LITAF: variants seen among roughly 807,000 people sequenced by gnomAD.
The protein encoded by LITAF is lipopolysaccharide induced TNF factor.
LITAF carries 9 observed loss-of-function variants against 14.5 expected under a neutral mutation model. The ratio of observed to expected loss-of-function variants is 0.62; its 90% CI spans 0.37 to 1.08. The LOEUF (loss-of-function observed/expected upper bound fraction) is 1.08, where lower values mean the gene tolerates loss of function less well. LITAF is among the 50% of genes least tolerant of loss of function. LITAF has a pLI of 0.01. For synonymous variants in LITAF, 98 were observed against 88.2 expected (o/e 1.11, Z -0.62); for missense variants, 206 against 213.4 (o/e 0.97, Z 0.22).
intron 1 of LITAF, among the ~76,000 whole-genome samples, chr16:11,580,080 G>A (rs1028916671): frequency 2.0e-5 from 3 of 152,168 alleles, no homozygotes; most frequent in Non-Finnish European, 4.4e-5. Context: ...GCTCATTGGA[G>A]CATTCTGGAT....
chr16:11,638,088 C>A (rs1170573707), upstream of LITAF, among the ~76,000 whole-genome samples: 9 of 68,362 alleles, frequency 1.3e-4, no homozygotes, highest in African/African-American at 5.6e-4. Flanking sequence ...CTATATCTAT[C>A]TATCTATCTA....
At chr16:11,576,073 G>T (rs796953996) in intron 1 of LITAF, among the ~76,000 whole-genome samples, 57 of 152,124 alleles carry the variant, frequency 3.7e-4, no homozygotes, top group African/African-American at 1.3e-3. Context: ...ATTTTTTGTA[G>T]AGACGGGGTC....
chr16:11,600,696 G>T (rs1040630000), upstream of LITAF, among the ~76,000 whole-genome samples: 1 of 152,008 alleles, frequency 6.6e-6, no homozygotes, highest in East Asian at 1.9e-4. The surrounding 1 kb of genome is among the most constrained non-coding windows in gnomAD (Gnocchi z 4.1). Flanking sequence ...TCACAAACCA[G>T]TCAGCCCACA....
chr16:11,550,281 G>C (rs773255230), intron 3 of LITAF, among the ~76,000 whole-genome samples: 1 of 152,098 alleles, frequency 6.6e-6, no homozygotes, highest in Non-Finnish European at 1.5e-5. Flanking sequence ...GGAGAGTTGG[G>C]GTTTCACCGT....
intron 1 of LITAF, among the ~76,000 whole-genome samples, chr16:11,596,116 T>C (rs150913859): frequency 8.5e-4 from 129 of 152,250 alleles, no homozygotes; most frequent in South Asian, 1.2e-3. Context: ...TCCCAAGCAC[T>C]GTAATTAATG....
At chr16:11,620,010 A>G (rs1379544808) in intron 3 of LITAF, among the ~76,000 whole-genome samples, 1 of 151,958 alleles carries the variant, frequency 6.6e-6, no homozygotes, top group Non-Finnish European at 1.5e-5. Context: ...TCTACTAAAA[A>G]TACAAAAATT....
At position 11,583,469 on chromosome 16, in the gene LITAF, G is replaced by A. The variant is rs1432102296; in HGVS notation, c.-6+3417C>T. ...CATTAATAAGACTGAGACTGCATTA[G>A]GATACAAAATTGTATGAACGCTGAT... On this transcript the variant is annotated intron_variant, in intron 1 of 3. Transcript: ENST00000622633. Among the ~76,000 whole-genome samples, 3 of 152,220 alleles carry A rather than the reference G, an allele frequency of 2.0e-5. No homozygotes were observed. The East Asian group carries it at 5.8e-4, about 29-fold the overall frequency.
intron 3 of LITAF, among the ~76,000 whole-genome samples, chr16:11,607,793 T>C (rs13333308): frequency 0.033 from 4,949 of 152,238 alleles, 291 homozygotes; most frequent in African/African-American, 0.11. Context: ...AGGTCATTCA[T>C]TGTTATGGGC....
In LITAF at chr16:11,556,092, T is replaced by A. The variant is rs373773820; in HGVS notation, c.220+419A>T. ...AGAGCAACTTGCATTGAGGGTGAGC[T>A]GGTATGAAAACACAATCACACATTG... On this transcript the variant is annotated intron_variant, in intron 2 of 3. Transcript: ENST00000622633. Among the ~76,000 whole-genome samples the A allele has an allele frequency of 7.2e-5, 11 of 152,300 alleles. No homozygotes were observed. The East Asian group carries it at 2.1e-3, about 29-fold the overall frequency.
upstream of LITAF, among the ~76,000 whole-genome samples, chr16:11,590,713 T>C (rs552776888): frequency 1.1e-3 from 124 of 117,978 alleles, 29 homozygotes; most frequent in South Asian, 0.03. Context: ...ACGGGTCCAA[T>C]GTAATCTCTG....
upstream of LITAF, among the ~76,000 whole-genome samples, chr16:11,587,758 A>G (rs963141383): frequency 4.6e-5 from 7 of 152,180 alleles, no homozygotes; most frequent in African/African-American, 1.7e-4. Flanking sequence ...GGCTGCAGTG[A>G]TAACAGCAGC....
Position 11,547,818 on chromosome 16 carries a change from C to T in LITAF, c.*1819G>A, listed in dbSNP as rs750491241. ...AATAGCCTCATGTTCAAATCTGACT[C>T]GTTAGCAAATCCACCCAACTCAACA... On this transcript the variant is annotated 3_prime_UTR_variant, in exon 4 of 4. Coordinates refer to ENST00000622633, the MANE Select transcript of LITAF (RefSeq NM_001136472.2). The T allele has an allele frequency of 1.5e-5, 7 of 454,120 alleles. No individual in the cohort carries two copies. Among genetic ancestry groups the T allele is most frequent in the South Asian group, 4.7e-5 (3 of 64,470 alleles). The allele number at this position is 454,120 out of a possible 1,614,324, so 28.1% of individuals were successfully genotyped here.
upstream of LITAF, among the ~76,000 whole-genome samples, chr16:11,588,336 A>C (rs569198127): frequency 2.6e-5 from 4 of 152,098 alleles, no homozygotes; most frequent in African/African-American, 9.6e-5. Context: ...CTCTATAAAA[A>C]TTTTTTTAAT....
At chr16:11,582,319 G>GAAAA (rs35892278) in intron 1 of LITAF, among the ~76,000 whole-genome samples, 3 of 100,088 alleles carry the variant, frequency 3.0e-5, no homozygotes, top group Admixed American at 1.1e-4. Flanking sequence ...ACTCACAACG[G>GAAAA]AAAAAAAAAA....
chr16:11,566,759 G>T (rs2064457194), intron 1 of LITAF, among the ~76,000 whole-genome samples: 2 of 151,824 alleles, frequency 1.3e-5, no homozygotes, highest in Middle Eastern at 3.4e-3. Context: ...GCAGGGGTAG[G>T]GGGGCGCATG....
intron 3 of LITAF, among the ~76,000 whole-genome samples, chr16:11,624,345 G>A (rs1156982553): frequency 6.6e-6 from 1 of 152,158 alleles, no homozygotes; most frequent in Non-Finnish European, 1.5e-5. Flanking sequence ...CACTGGTCCG[G>A]TGTGGGTCAC....
chr16:11,594,159 C>T (rs2141854316), intron 1 of LITAF, among the ~76,000 whole-genome samples: 1 of 150,770 alleles, frequency 6.6e-6, no homozygotes, highest in South Asian at 2.1e-4. Flanking sequence ...GCACTTCAGC[C>T]TGGGTGACAA....
At chr16:11,555,259 C>T (rs1019953244) in intron 2 of LITAF, among the ~76,000 whole-genome samples, 2 of 152,138 alleles carry the variant, frequency 1.3e-5, no homozygotes, top group African/African-American at 4.8e-5. Flanking sequence ...GAACTCCTGG[C>T]CTCAGGTGAT....
rs527451393 is a variant in LITAF, at chr16:11,574,406, G to A, written c.-6+12480C>T. Among the ~76,000 whole-genome samples, 15 of 152,226 alleles carry A rather than the reference G, an allele frequency of 9.9e-5. No individual in the cohort carries two copies. In the South Asian group the frequency reaches 2.9e-3, roughly 29 times the overall value. ...GGCATACATAAGAAACTTAACGGTC[G>A]GTGTTTGTCGGGAAGGGAACCAGGT... On this transcript the variant is annotated intron_variant, in intron 1 of 3. Coordinates refer to ENST00000622633, the MANE Select transcript of LITAF (RefSeq NM_001136472.2).
Sources: allele counts gnomAD v4.1 joint callset (sites outside exome capture counted in the v4.1 genomes callset), GRCh38; gene constraint gnomAD v4.1.1; non-coding constraint Gnocchi (gnomAD v3.1); transcripts MANE v1.5; gene names NCBI Gene and HGNC (gene_info 2026-07-23, HGNC 2026-07-21).